The following DKK3 variants were observed in gnomAD, a reference collection of about 807,000 sequenced individuals.
DKK3 encodes the protein dickkopf-related protein 3.
DKK3 carries 22 observed loss-of-function variants against 33.2 expected under a neutral mutation model. The observed-to-expected ratio is 0.66, with a 90% CI of 0.47 to 0.95. The LOEUF (loss-of-function observed/expected upper bound fraction) is 0.95. Among genes scored for constraint, DKK3 ranks in the 40% least tolerant of loss-of-function variants. The pLI is 0.00. For missense variants in DKK3, 398 were observed against 458.4 expected, an observed-to-expected ratio of 0.87 and a Z score of 1.20; for synonymous variants, 194 against 188.8, an observed-to-expected ratio of 1.03 and a Z score of -0.23.
In DKK3 at chr11:11,963,720, G is replaced by C. The variant is rs534302111; in HGVS notation, c.*744C>G. 6.6e-6 allele frequency: 1 copy of C among 152,354 alleles called. No homozygotes were observed. Among genetic ancestry groups the C allele is most frequent in the South Asian group, 2.1e-4 (1 of 4,830 alleles). The allele number at this position is 152,354 out of a possible 1,614,324, so 9.4% of individuals were successfully genotyped here. A position where few individuals can be genotyped will look rare whatever the true frequency, so the allele number is the denominator to read the frequency against. On this transcript the variant is annotated 3_prime_UTR_variant, in exon 7 of 7. Transcript: ENST00000683431. ...CAAGGCTGGTGTGGGGTAGTGGAGAGAGCACTGAGCTTAGAGTCACAACCA... is the reference window on the plus strand; with the variant it reads ...CAAGGCTGGTGTGGGGTAGTGGAGACAGCACTGAGCTTAGAGTCACAACCA...
At chr11:11,992,810 C>G (rs1056956259) in intron 3 of DKK3, among the ~76,000 whole-genome samples, 2 of 152,086 alleles carry the variant, frequency 1.3e-5, no homozygotes, top group Non-Finnish European at 1.5e-5. Flanking sequence ...GAACTGTAAG[C>G]CAAATAAACC....
chr11:11,991,643 G>A (rs1231977541), intron 3 of DKK3, among the ~76,000 whole-genome samples: 1 of 151,994 alleles, frequency 6.6e-6, no homozygotes, highest in African/African-American at 2.4e-5. Flanking sequence ...CTCTCACAAT[G>A]TGATGCCTGT....
At chr11:12,002,248 C>G (rs1217104457) in intron 2 of DKK3, 52 bp downstream of exon 2, 6 of 1,528,386 alleles carry the variant, frequency 3.9e-6, no homozygotes, top group East Asian at 2.3e-5. Flanking sequence ...AACCTTAGTT[C>G]TCTGATGGGA....
intron 3 of DKK3, among the ~76,000 whole-genome samples, chr11:11,995,491 C>A (rs1590544207): frequency 6.6e-6 from 1 of 152,256 alleles, no homozygotes; most frequent in Middle Eastern, 3.4e-3. Context: ...TTTTTAACAT[C>A]AAATTCTAAT....
chr11:12,007,397 G>C (rs957620978), intron 1 of DKK3, among the ~76,000 whole-genome samples: 1 of 152,122 alleles, frequency 6.6e-6, no homozygotes, highest in African/African-American at 2.4e-5. Flanking sequence ...GCCCAACAGC[G>C]CCCTCGTCTA....
intron 1 of DKK3, among the ~76,000 whole-genome samples, chr11:12,007,352 C>G (rs998053219): frequency 1.3e-5 from 2 of 152,218 alleles, no homozygotes; most frequent in Non-Finnish European, 2.9e-5. Flanking sequence ...GGACGGCTGG[C>G]TCCTCTCTAT....
rs529162398 is a variant in DKK3, at chr11:11,996,649, T to C, written c.435+2047A>G. 3.3e-5 allele frequency among the ~76,000 whole-genome samples: 5 copies of C among 152,312 alleles called. No homozygotes were observed. In the South Asian group the frequency reaches 8.3e-4, roughly 25 times the overall value. Reference sequence around the variant, plus strand: ...AATCAAACGGGAATTTAGTCTAATATAGAAACCCAATATGCTCATATCCTG... The same window carrying C: ...AATCAAACGGGAATTTAGTCTAATACAGAAACCCAATATGCTCATATCCTG... On this transcript the variant is annotated intron_variant, in intron 3 of 6. Coordinates refer to ENST00000683431, the MANE Select transcript of DKK3 (RefSeq NM_001018057.2).
chr11:11,965,829 G>A lies in DKK3; in HGVS notation c.810C>T (p.Gly270=). 1 of 1,614,100 alleles carries A rather than the reference G, an allele frequency of 6.2e-7. No homozygotes were observed. The highest frequency in any genetic ancestry group is 8.5e-7 in the Non-Finnish European group (1 of 1,180,042). Residue 270 remains glycine (G), a synonymous_variant, in exon 6 of 7, where the codon GGC becomes GGT. Transcript: ENST00000683431. ...GALDRCPCAS[G]LLCQPHSHSL... Reference sequence around the variant, plus strand: ...CTCACCTGTGGGGCTGGCAGAGGAGGCCACTGGCACAAGGGCATCGGTCCA... The same window carrying A: ...CTCACCTGTGGGGCTGGCAGAGGAGACCACTGGCACAAGGGCATCGGTCCA...
chr11:11,968,536 A>G (rs1041283673), intron 3 of DKK3, 49 bp from the exon 4 acceptor site: 12 of 1,564,654 alleles, frequency 7.7e-6, no homozygotes, highest in Non-Finnish European at 9.6e-6. Flanking sequence ...GCAGAGCAGC[A>G]GGCCCACAGT....
At chr11:11,991,104 C>T (rs974813580) in intron 3 of DKK3, among the ~76,000 whole-genome samples, 1 of 152,212 alleles carries the variant, frequency 6.6e-6, no homozygotes, top group African/African-American at 2.4e-5. Flanking sequence ...GCTGCACATG[C>T]ATTGGGTTTA....
At chr11:12,003,271 G>A (rs895329682) in intron 1 of DKK3, among the ~76,000 whole-genome samples, 2 of 152,110 alleles carry the variant, frequency 1.3e-5, no homozygotes, top group African/African-American at 4.8e-5. Flanking sequence ...CTGTAGGTAG[G>A]GCCACAGCTG....
chr11:11,969,938 G>A (rs1847688581), intron 3 of DKK3, among the ~76,000 whole-genome samples: 1 of 152,248 alleles, frequency 6.6e-6, no homozygotes, highest in African/African-American at 2.4e-5. Context: ...CGAGTAGGGT[G>A]AACGGCCGCC....
rs1250777332 is a variant in DKK3, at chr11:11,988,576, C to A, written c.435+10120G>T. On this transcript the variant is annotated intron_variant, in intron 3 of 6. Coordinates refer to ENST00000683431, the MANE Select transcript of DKK3 (RefSeq NM_001018057.2). ...ATAAACAACCATCATCACCACAAAACCTCCTTGGAGGCCTGAGTCCCCCAT... is the reference window on the plus strand; with the variant it reads ...ATAAACAACCATCATCACCACAAAAACTCCTTGGAGGCCTGAGTCCCCCAT... Among the ~76,000 whole-genome samples the A allele has an allele frequency of 2.6e-5, 4 of 152,212 alleles. 1 individual carries two copies. Among genetic ancestry groups the A allele is most frequent in the Admixed American group, 2.6e-4 (4 of 15,288 alleles).
At chr11:11,997,581 G>A (rs1051513877) in intron 3 of DKK3, among the ~76,000 whole-genome samples, 11 of 152,160 alleles carry the variant, frequency 7.2e-5, no homozygotes, top group African/African-American at 2.7e-4. Context: ...AAACTGAGGT[G>A]CCCTAGCTGG....
At chr11:11,990,697 GC>G (rs1005702091) in intron 3 of DKK3, among the ~76,000 whole-genome samples, 10 of 152,216 alleles carry the variant, frequency 6.6e-5, no homozygotes, top group African/African-American at 2.4e-4. Context: ...GCTCCCCCAC[GC>G]ACATCTCCAG....
chr11:11,979,362 G>A (rs1282615973), intron 3 of DKK3, among the ~76,000 whole-genome samples: 1 of 152,240 alleles, frequency 6.6e-6, no homozygotes, highest in African/African-American at 2.4e-5. Flanking sequence ...TGCAGAGCAG[G>A]AGAGCCAGCC....
chr11:12,006,324 C>G (rs946281761), intron 1 of DKK3, among the ~76,000 whole-genome samples: 4 of 152,176 alleles, frequency 2.6e-5, no homozygotes, highest in Non-Finnish European at 5.9e-5. Flanking sequence ...GATAGCTGCC[C>G]AACTCACTGA....
rs908573976 is a variant in DKK3, at chr11:12,008,125, G to A, written c.213+245C>T. Among the ~76,000 whole-genome samples, 1 of 152,024 alleles carries A rather than the reference G, an allele frequency of 6.6e-6. No individual in the cohort carries two copies. The highest frequency in any genetic ancestry group is 1.5e-5 in the Non-Finnish European group (1 of 67,982). ...CAGGTGGTGGCCCCAGCTACCTAGG[G>A]AGGGTCCAGTGCAGAGCCTCTCGGT... On this transcript the variant is annotated intron_variant, in intron 1 of 6. Transcript: ENST00000683431. This position sits in a 1 kb window ranked among gnomAD's most constrained non-coding sequence, Gnocchi z 4.6.
chr11:11,966,894 G>A, intron 5 of DKK3, 60 bp downstream of exon 5: 4 of 1,587,010 alleles, frequency 2.5e-6, no homozygotes, highest in Non-Finnish European at 3.4e-6. Context: ...GGCTCCAGGA[G>A]GTCCAGTGTG....
Sources: gnomAD v4.1 joint callset for allele counts (sites outside exome capture counted in the v4.1 genomes callset) on GRCh38, gnomAD v4.1.1 for gene constraint, Gnocchi (gnomAD v3.1) non-coding constraint, MANE v1.5 for transcripts, NCBI Gene and HGNC (gene_info 2026-07-23, HGNC 2026-07-21) for gene names.